The following COL4A1 variants were observed in gnomAD, a reference collection of about 807,000 sequenced individuals.
COL4A1 encodes collagen type IV alpha 1 chain.
In COL4A1, 40 loss-of-function variants were observed where a neutral mutation model predicts 216.6. The ratio of observed to expected loss-of-function variants is 0.18; its 90% CI spans 0.14 to 0.24. COL4A1 has a LOEUF of 0.24. Ranked by LOEUF, COL4A1 falls within the 10% of genes least tolerant of loss-of-function variation. The pLI is 1.00. For synonymous variants in COL4A1, 839 were observed against 810.7 expected (o/e 1.03, Z -0.59); for missense variants, 1,628 against 2,196.8 (o/e 0.74, Z 5.18).
chr13:110,182,506 G>A (rs539365291), intron 28 of COL4A1, among the ~76,000 whole-genome samples: 1 of 152,210 alleles, frequency 6.6e-6, no homozygotes, highest in Admixed American at 6.5e-5. Context: ...CCTAAGAAAT[G>A]TGAAAAGCAG....
intron 24 of COL4A1, among the ~76,000 whole-genome samples, chr13:110,188,035 A>G (rs1041962006): frequency 6.6e-6 from 1 of 152,248 alleles, no homozygotes; most frequent in Non-Finnish European, 1.5e-5. Context: ...GACTCACACT[A>G]GAACGTTGCT....
In COL4A1 at chr13:110,252,465, TAATTATATGTATTATATATAC is replaced by T. The variant is rs1566415583; in HGVS notation, c.85-9752_85-9732del. ...TATACGTATATGTATTATATACATA[TAATTATATGTATTATATATAC>T]GTATAATTATACGTATATATGTATT... On this transcript the variant is annotated intron_variant, in intron 1 of 51. Coordinates refer to ENST00000375820, the MANE Select transcript of COL4A1 (RefSeq NM_001845.6). Among the ~76,000 whole-genome samples the T allele has an allele frequency of 3.5e-4, 21 of 60,044 alleles. 4 individuals are homozygous for T. Among genetic ancestry groups the T allele is most frequent in the Admixed American group, 3.4e-3 (15 of 4,438 alleles). 39.4% of individuals were successfully genotyped at this position (60,044 alleles called of 152,430 possible).
rs144788845 is a variant in COL4A1, at chr13:110,230,161, C to CGT, written c.144+12512_144+12513dup. Among the ~76,000 whole-genome samples the CGT allele has an allele frequency of 2.7e-3, 407 of 151,714 alleles. 1 individual carries two copies. The highest frequency in any genetic ancestry group is 9.3e-3 in the African/African-American group (383 of 41,330). ...GGCTGGGAGGTTCCTGAAGAAAGTG[C>CGT]GTGTGTGTGTGAGTGTGTGCCCGTG... On this transcript the variant is annotated intron_variant, in intron 2 of 51. Transcript: ENST00000375820.
intron 21 of COL4A1, among the ~76,000 whole-genome samples, chr13:110,195,763 T>C (rs1469201434): frequency 2.6e-5 from 4 of 152,246 alleles, no homozygotes; most frequent in Non-Finnish European, 5.9e-5. Flanking sequence ...ATGGAGTTTA[T>C]ATTTCCTTCC....
At chr13:110,239,781 C>G (rs979315967) in intron 2 of COL4A1, among the ~76,000 whole-genome samples, 9 of 152,174 alleles carry the variant, frequency 5.9e-5, no homozygotes, top group Admixed American at 4.6e-4. Context: ...CTTGACCTGC[C>G]AGCCTAGAGT....
chr13:110,232,825 A>G (rs1371515459), intron 2 of COL4A1, among the ~76,000 whole-genome samples: 1 of 152,044 alleles, frequency 6.6e-6, no homozygotes, highest in Non-Finnish European at 1.5e-5. Flanking sequence ...GCTGCACTAG[A>G]TTCGGTAAGC....
intron 2 of COL4A1, among the ~76,000 whole-genome samples, chr13:110,226,522 T>C (rs1880744350): frequency 6.6e-6 from 1 of 152,244 alleles, no homozygotes; most frequent in South Asian, 2.1e-4. Context: ...CCATTAATCA[T>C]ACTTGGAATC....
chr13:110,191,327 A>G (rs1878616809), intron 24 of COL4A1: 2 of 215,506 alleles, frequency 9.3e-6, no homozygotes, highest in African/African-American at 4.5e-5. Flanking sequence ...GAAATGAATA[A>G]TTCTGAAATT....
chr13:110,185,134 CTTTA>C (rs772293080), intron 26 of COL4A1, among the ~76,000 whole-genome samples: 1 of 152,098 alleles, frequency 6.6e-6, no homozygotes, highest in East Asian at 1.9e-4. Context: ...TATCCAGCTA[CTTTA>C]TTTATTTATT....
chr13:110,284,688 G>A (rs1164224850), intron 1 of COL4A1, among the ~76,000 whole-genome samples: 1 of 152,190 alleles, frequency 6.6e-6, no homozygotes, highest in Non-Finnish European at 1.5e-5. Context: ...TTAATGAGCA[G>A]AAACATGGCT....
At chr13:110,190,260 T>C (rs1158861131) in intron 24 of COL4A1, among the ~76,000 whole-genome samples, 1 of 152,120 alleles carries the variant, frequency 6.6e-6, no homozygotes, top group African/African-American at 2.4e-5. Flanking sequence ...GGTCTTTTGA[T>C]CCGTCTCCCT....
chr13:110,210,235 A>G, intron 8 of COL4A1, 23 bp from the exon 9 acceptor site: 2 of 1,608,718 alleles, frequency 1.2e-6, no homozygotes, highest in African/African-American at 1.3e-5. Context: ...GAAAGAAAAT[A>G]GAAAGTTGCA....
At chr13:110,165,107 A>C (rs1289097040) in intron 45 of COL4A1, 117 bp from the exon 46 acceptor site, 16 of 1,454,906 alleles carry the variant, frequency 1.1e-5, no homozygotes, top group Admixed American at 2.3e-5. Flanking sequence ...CTCAAAGGTA[A>C]AGTCATTATC....
At chr13:110,233,103 G>C (rs1481154064) in intron 2 of COL4A1, among the ~76,000 whole-genome samples, 3 of 151,986 alleles carry the variant, frequency 2.0e-5, no homozygotes, top group Non-Finnish European at 4.4e-5. Context: ...TGCTTCCAGG[G>C]GCTTTTCTAG....
chr13:110,287,665 T>C (rs575735107), intron 1 of COL4A1, among the ~76,000 whole-genome samples: 1 of 152,342 alleles, frequency 6.6e-6, no homozygotes, highest in South Asian at 2.1e-4. Flanking sequence ...TACAGTGGGA[T>C]GGCCTTGCCT....
In COL4A1 at chr13:110,177,943, G is replaced by A; in HGVS notation, c.2627-12C>T. On this transcript the variant is annotated splice_polypyrimidine_tract_variant and intron_variant, in intron 32 of 51. Transcript: ENST00000375820. ...TTCTCCCTTGGAACCTGTGGCCAAA[G>A]GAAAGGACTGTGAACATTTTCTTGC... 1 of 1,614,118 alleles carries A rather than the reference G, an allele frequency of 6.2e-7. No homozygotes were observed. The highest frequency in any genetic ancestry group is 8.5e-7 in the Non-Finnish European group (1 of 1,180,006).
chr13:110,236,019 C>T lies in COL4A1; in HGVS notation c.144+6656G>A, dbSNP rs142315960. 5.5e-3 allele frequency among the ~76,000 whole-genome samples: 833 copies of T among 152,176 alleles called. 5 individuals are homozygous for T. The highest frequency in any genetic ancestry group is 0.019 in the African/African-American group (768 of 41,506). ...AGGAATTTCATCTAAGATTTAATTA[C>T]AACTATGAAAATACCCTAAATTTAT... On this transcript the variant is annotated intron_variant, in intron 2 of 51. Coordinates refer to ENST00000375820, the MANE Select transcript of COL4A1 (RefSeq NM_001845.6).
intron 1 of COL4A1, among the ~76,000 whole-genome samples, chr13:110,274,185 GAAT>G (rs748937621): frequency 1.3e-5 from 2 of 152,302 alleles, no homozygotes; most frequent in South Asian, 4.1e-4. Context: ...GCAGTGGTAT[GAAT>G]AATGACAATA....
chr13:110,179,375 A>C lies in COL4A1; in HGVS notation c.2240T>G (p.Leu747Arg). ...CCCGGGTGTGCCAGGAATGCCGGGA[A>C]GACCTGGCAAACCTTTGAGTCCCGG... ...GLPGLKGLPGLPGIPGTPGEK... is the reference protein window; with the variant it reads ...GLPGLKGLPGRPGIPGTPGEK... The change falls in exon 30 of 52, where the codon CTT (leucine) becomes CGT (arginine). Residue 747 changes from leucine (L) to arginine (R), a missense_variant. Physicochemically the swap from Leu to Arg is moderately radical, Grantham distance 102. Coordinates refer to ENST00000375820, the MANE Select transcript of COL4A1 (RefSeq NM_001845.6). 1 of 1,614,132 alleles carries C rather than the reference A, an allele frequency of 6.2e-7. No individual in the cohort carries two copies. Among genetic ancestry groups the C allele is most frequent in the Non-Finnish European group, 8.5e-7 (1 of 1,180,008 alleles).
Sources: allele counts gnomAD v4.1 joint callset (sites outside exome capture counted in the v4.1 genomes callset), GRCh38; gene constraint gnomAD v4.1.1; transcripts MANE v1.5; gene names NCBI Gene and HGNC (gene_info 2026-07-23, HGNC 2026-07-21).